The following PCDH9 variants were observed in gnomAD, a reference collection of about 807,000 sequenced individuals.
PCDH9 encodes protocadherin-9.
A neutral mutation model predicts 70.6 loss-of-function variants in PCDH9; 24 were observed. That is an observed-to-expected ratio of 0.34 (90% CI 0.25 to 0.48). The LOEUF (loss-of-function observed/expected upper bound fraction) is 0.48, where lower values mean the gene tolerates loss of function less well. Among genes scored for constraint, PCDH9 ranks in the 20% least tolerant of loss-of-function variants. PCDH9 has a pLI of 0.99. For synonymous variants in PCDH9, 562 were observed against 558.5 expected, an observed-to-expected ratio of 1.01 and a Z score of -0.09; for missense variants, 1,281 against 1,503.6, an observed-to-expected ratio of 0.85 and a Z score of 2.45.
At chr13:66,767,181 C>A (rs1427377400) in intron 3 of PCDH9, among the ~76,000 whole-genome samples, 3 of 152,000 alleles carry the variant, frequency 2.0e-5, no homozygotes, top group Non-Finnish European at 4.4e-5. Context: ...AAAGAAGTTA[C>A]TGAAACACAC....
chr13:66,711,719 CT>C (rs995678659), intron 3 of PCDH9, among the ~76,000 whole-genome samples: 1 of 152,044 alleles, frequency 6.6e-6, no homozygotes, highest in African/African-American at 2.4e-5. Flanking sequence ...AATTACTTAT[CT>C]TTTTTATCAT....
chr13:67,045,784 G>C (rs1003200466), intron 2 of PCDH9, among the ~76,000 whole-genome samples: 17 of 152,128 alleles, frequency 1.1e-4, no homozygotes, highest in African/African-American at 4.1e-4. Context: ...TTCAAAAGCA[G>C]TTAACCTTAG....
At chr13:66,430,728 T>C (rs974339013) in intron 4 of PCDH9, among the ~76,000 whole-genome samples, 4 of 152,012 alleles carry the variant, frequency 2.6e-5, no homozygotes, top group Admixed American at 6.6e-5. Flanking sequence ...TCTTGGCATA[T>C]TGCACTGAAT....
At chr13:66,848,630 T>C (rs1221729391) in intron 3 of PCDH9, among the ~76,000 whole-genome samples, 3 of 151,968 alleles carry the variant, frequency 2.0e-5, no homozygotes, top group African/African-American at 4.8e-5. Context: ...CTAGAATGTA[T>C]AAGAGGAGCC....
chr13:66,573,790 A>G (rs1163458095), intron 4 of PCDH9, among the ~76,000 whole-genome samples: 1 of 152,082 alleles, frequency 6.6e-6, no homozygotes, highest in African/African-American at 2.4e-5. Context: ...AATCAACTGA[A>G]ATGCAATGCA....
At chr13:66,879,972 A>G (rs1391070698) in intron 3 of PCDH9, 1 of 152,192 alleles carries the variant, frequency 6.6e-6, no homozygotes, top group Non-Finnish European at 1.5e-5. Flanking sequence ...ATGAATGCAA[A>G]CAAATCCTGG....
rs1197137790 is a variant in PCDH9, at chr13:66,409,034, C to T, written c.3341-104006G>A. On this transcript the variant is annotated intron_variant, in intron 4 of 4. Coordinates refer to ENST00000377865, the MANE Select transcript of PCDH9 (RefSeq NM_203487.3). ...GGTAATATAATGGAAAGAATACATA[C>T]AAGAATAGAATGAAATGGCAGGGAG... 5.9e-5 allele frequency among the ~76,000 whole-genome samples: 9 copies of T among 151,430 alleles called. 1 individual carries two copies. Among genetic ancestry groups the T allele is most frequent in the Admixed American group, 5.9e-4 (9 of 15,192 alleles).
At chr13:66,383,144 A>T (rs1425214451) in intron 4 of PCDH9, among the ~76,000 whole-genome samples, 1 of 152,224 alleles carries the variant, frequency 6.6e-6, no homozygotes, top group African/African-American at 2.4e-5. Context: ...TTTTCTGATG[A>T]TCAACAACAC....
intron 4 of PCDH9, among the ~76,000 whole-genome samples, chr13:66,517,548 G>A (rs1003575581): frequency 2.0e-5 from 3 of 152,094 alleles, no homozygotes; most frequent in Non-Finnish European, 2.9e-5. Flanking sequence ...TCTTCACAGA[G>A]CCTCTTAAAA....
At chr13:66,754,811 A>C (rs887893034) in intron 3 of PCDH9, among the ~76,000 whole-genome samples, 4 of 152,172 alleles carry the variant, frequency 2.6e-5, no homozygotes. Flanking sequence ...AGAGCTCTTC[A>C]CCAGGAAAGA....
Position 66,743,739 on chromosome 13 carries a change from T to C in PCDH9, c.3139-112328A>G, listed in dbSNP as rs144841921. Among the ~76,000 whole-genome samples the C allele has an allele frequency of 7.8e-3, 1,184 of 152,268 alleles. 18 individuals carry two copies. The highest frequency in any genetic ancestry group is 0.027 in the African/African-American group (1,113 of 41,558). Reference sequence around the variant, plus strand: ...AAAGCATACATATTCCAAAACACCATGTTATATACCATAAATACATACAAT... The same window carrying C: ...AAAGCATACATATTCCAAAACACCACGTTATATACCATAAATACATACAAT... On this transcript the variant is annotated intron_variant, in intron 3 of 4. Coordinates refer to ENST00000377865, the MANE Select transcript of PCDH9 (RefSeq NM_203487.3).
At chr13:66,554,816 T>C (rs1455379568) in intron 4 of PCDH9, among the ~76,000 whole-genome samples, 1 of 152,098 alleles carries the variant, frequency 6.6e-6, no homozygotes, top group East Asian at 1.9e-4. Flanking sequence ...AATAATGGCC[T>C]TAGAAAAAAA....
chr13:66,692,931 G>T lies in PCDH9; in HGVS notation c.3139-61520C>A, dbSNP rs965593073. Reference sequence around the variant, plus strand: ...TATTTGAGGAAAAATGTACAAGCAAGCCTATGATACAAGGAACAAAATAGG... The same window carrying T: ...TATTTGAGGAAAAATGTACAAGCAATCCTATGATACAAGGAACAAAATAGG... On this transcript the variant is annotated intron_variant, in intron 3 of 4. Transcript: ENST00000377865. 2.6e-5 allele frequency among the ~76,000 whole-genome samples: 4 copies of T among 152,098 alleles called. No individual in the cohort carries two copies. The South Asian group carries it at 8.3e-4, about 31-fold the overall frequency.
At chr13:66,731,981 T>C (rs2079085550) in intron 3 of PCDH9, among the ~76,000 whole-genome samples, 1 of 151,970 alleles carries the variant, frequency 6.6e-6, no homozygotes, top group African/African-American at 2.4e-5. Context: ...TAAGCAAGAG[T>C]ACATTGGCTT....
intron 4 of PCDH9, among the ~76,000 whole-genome samples, chr13:66,436,906 T>C (rs939965461): frequency 2.0e-5 from 3 of 152,036 alleles, no homozygotes; most frequent in Admixed American, 1.3e-4. Context: ...AAACTACACA[T>C]TTTGTGAGCT....
chr13:66,945,703 T>C (rs1456516020), intron 2 of PCDH9, among the ~76,000 whole-genome samples: 1 of 152,188 alleles, frequency 6.6e-6, no homozygotes, highest in Non-Finnish European at 1.5e-5. Context: ...TTTCATTCAT[T>C]AAATATACCA....
chr13:67,131,231 T>A (rs998748706), intron 2 of PCDH9, among the ~76,000 whole-genome samples: 1 of 152,128 alleles, frequency 6.6e-6, no homozygotes, highest in Admixed American at 6.6e-5. Context: ...TAGTCCCCAA[T>A]GAGTTATTAT....
In PCDH9 at chr13:66,421,416, G is replaced by A. The variant is rs188239674; in HGVS notation, c.3341-116388C>T. ...TGATATGAAGGAAAAAATGTTAAGG[G>A]CAGCTAGGGAAAAAGGTCTGGTTAC... On this transcript the variant is annotated intron_variant, in intron 4 of 4. Transcript: ENST00000377865. Among the ~76,000 whole-genome samples the A allele has an allele frequency of 6.6e-5, 10 of 152,272 alleles. 1 individual carries two copies. Among genetic ancestry groups the A allele is most frequent in the Admixed American group, 6.5e-4 (10 of 15,294 alleles).
chr13:66,495,593 C>T lies in PCDH9; in HGVS notation c.3340+135617G>A, dbSNP rs1344706645. ...TGCAAAATAAATACATACATACATA[C>T]ATACATACCTCTGGATGATCAGTCT... On this transcript the variant is annotated intron_variant, in intron 4 of 4. Transcript: ENST00000377865. 2.6e-5 allele frequency among the ~76,000 whole-genome samples: 4 copies of T among 152,116 alleles called. No homozygotes were observed. The East Asian group carries it at 7.7e-4, about 29-fold the overall frequency.
Sources: gnomAD v4.1 joint callset for allele counts (sites outside exome capture counted in the v4.1 genomes callset) on GRCh38, gnomAD v4.1.1 for gene constraint, MANE v1.5 for transcripts, NCBI Gene and HGNC (gene_info 2026-07-23, HGNC 2026-07-21) for gene names.